The following MCTP1 variants were observed in gnomAD, a reference collection of about 807,000 sequenced individuals.
MCTP1 encodes the protein multiple C2 and transmembrane domain-containing protein 1.
Under a neutral mutation model 120.6 loss-of-function variants are expected in MCTP1, and 69 were observed. The ratio of observed to expected loss-of-function variants is 0.57; its 90% CI spans 0.47 to 0.70. The LOEUF (loss-of-function observed/expected upper bound fraction) is 0.70, where lower values mean the gene tolerates loss of function less well. Ranked by LOEUF, MCTP1 falls within the 30% of genes least tolerant of loss-of-function variation. MCTP1 has a pLI of 0.00. For missense variants in MCTP1, 1,203 were observed against 1,248.8 expected (o/e 0.96, Z 0.55); for synonymous variants, 529 against 493.1 (o/e 1.07, Z -0.96).
intron 1 of MCTP1, among the ~76,000 whole-genome samples, chr5:95,197,358 A>G (rs999382715): frequency 6.6e-6 from 1 of 152,210 alleles, no homozygotes; most frequent in Non-Finnish European, 1.5e-5. Flanking sequence ...CTGACTATTC[A>G]GCGTTTATTC....
chr5:95,197,342 A>G (rs567983849), intron 1 of MCTP1, among the ~76,000 whole-genome samples: 63 of 152,318 alleles, frequency 4.1e-4, no homozygotes, highest in African/African-American at 1.4e-3. Context: ...TATAACCCAT[A>G]ATAATCTGAC....
chr5:95,220,724 T>G (rs1257350259), intron 1 of MCTP1, among the ~76,000 whole-genome samples: 1 of 152,248 alleles, frequency 6.6e-6, no homozygotes, highest in African/African-American at 2.4e-5. Context: ...GCAATATTTT[T>G]TTCTATTTTA....
chr5:94,931,288 A>G (rs1814602653), intron 6 of MCTP1: 1 of 152,204 alleles, frequency 6.6e-6, no homozygotes, highest in Non-Finnish European at 1.5e-5. Flanking sequence ...TTTTACAAGT[A>G]AAATCGTTTT....
chr5:95,267,019 G>C (rs1758935770), intron 1 of MCTP1, among the ~76,000 whole-genome samples: 1 of 152,152 alleles, frequency 6.6e-6, no homozygotes. Context: ...CTTCTTGCTT[G>C]AGAACATTGC....
intron 16 of MCTP1, 28 bp from the exon 17 acceptor site, chr5:94,868,480 A>G: frequency 1.9e-6 from 3 of 1,545,568 alleles, no homozygotes; most frequent in Non-Finnish European, 2.6e-6. Context: ...ATATTATTAT[A>G]ATTTGCAAGA....
intron 2 of MCTP1, among the ~76,000 whole-genome samples, chr5:94,958,549 G>A (rs796333971): frequency 3.3e-5 from 5 of 151,798 alleles, no homozygotes; most frequent in African/African-American, 1.2e-4. Flanking sequence ...AAAGAGAGAA[G>A]AATCAAATAG....
chr5:94,986,678 T>G (rs889369759), intron 2 of MCTP1, among the ~76,000 whole-genome samples: 3 of 152,038 alleles, frequency 2.0e-5, no homozygotes, highest in Admixed American at 1.3e-4. Context: ...CCTGGCTAAT[T>G]TTTGTATTTT....
At chr5:94,805,359 G>A (rs1033649797) in intron 17 of MCTP1, among the ~76,000 whole-genome samples, 2 of 152,168 alleles carry the variant, frequency 1.3e-5, no homozygotes, top group Non-Finnish European at 2.9e-5. Context: ...GGGCACTGTG[G>A]CTCATGCCTG....
rs118068767 is a variant in MCTP1, at chr5:94,934,705, G to T, written c.1174-2714C>A. ...CAAATGTTGGCTGTGTAATAATTCT[G>T]AAGAATATCAAAACTAATCCAAGAT... On this transcript the variant is annotated intron_variant, in intron 5 of 22. Transcript: ENST00000515393. Among the ~76,000 whole-genome samples the T allele has an allele frequency of 2.2e-3, 326 of 146,052 alleles. 3 individuals carry two copies. In the East Asian group the frequency reaches 0.045, roughly 20 times the overall value.
At chr5:95,138,237 C>CCCCG (rs952922775) in intron 1 of MCTP1, among the ~76,000 whole-genome samples, 13 of 150,318 alleles carry the variant, frequency 8.6e-5, no homozygotes, top group Non-Finnish European at 1.6e-4. Flanking sequence ...GATGCAACCC[C>CCCCG]CCCCCGACAT....
At chr5:94,949,135 G>T (rs1366537396) in intron 3 of MCTP1, among the ~76,000 whole-genome samples, 3 of 152,082 alleles carry the variant, frequency 2.0e-5, no homozygotes, top group Non-Finnish European at 4.4e-5. Flanking sequence ...TTCATGATTA[G>T]GCCAAACAAA....
chr5:94,745,094 C>T (rs1766566583), intron 19 of MCTP1, among the ~76,000 whole-genome samples: 1 of 152,200 alleles, frequency 6.6e-6, no homozygotes, highest in Non-Finnish European at 1.5e-5. Context: ...TGTTTCCCAG[C>T]CACTTCTCAT....
intron 1 of MCTP1, among the ~76,000 whole-genome samples, chr5:95,082,995 A>C (rs536212863): frequency 6.6e-6 from 1 of 152,150 alleles, no homozygotes; most frequent in Non-Finnish European, 1.5e-5. Context: ...TCACAGTTTG[A>C]AATGTTCTTC....
intron 17 of MCTP1, among the ~76,000 whole-genome samples, chr5:94,858,752 A>G (rs895002341): frequency 1.3e-5 from 2 of 151,638 alleles, no homozygotes; most frequent in Admixed American, 6.6e-5. Flanking sequence ...CAGTTGTACC[A>G]TTCCATGACT....
chr5:94,908,383 A>G (rs1475523905), intron 10 of MCTP1, among the ~76,000 whole-genome samples: 1 of 152,024 alleles, frequency 6.6e-6, no homozygotes, highest in African/African-American at 2.4e-5. Flanking sequence ...AAAAAAATCA[A>G]GAGATAAATA....
intron 1 of MCTP1, among the ~76,000 whole-genome samples, chr5:95,097,921 T>C (rs145063642): frequency 1.1e-4 from 16 of 152,346 alleles, no homozygotes; most frequent in Non-Finnish European, 2.2e-4. Flanking sequence ...CAGTAAGAAA[T>C]ACATTATTAA....
chr5:95,034,914 A>G (rs1281637694), intron 1 of MCTP1, among the ~76,000 whole-genome samples: 1 of 152,140 alleles, frequency 6.6e-6, no homozygotes, highest in African/African-American at 2.4e-5. Flanking sequence ...GGCAAAAGAC[A>G]TGAACAGATA....
At chr5:95,128,109 T>C (rs1188069984) in intron 1 of MCTP1, among the ~76,000 whole-genome samples, 1 of 152,130 alleles carries the variant, frequency 6.6e-6, no homozygotes, top group Admixed American at 6.5e-5. Context: ...AGGAGCAAAA[T>C]GCTAAAGGCT....
intron 19 of MCTP1, among the ~76,000 whole-genome samples, chr5:94,744,825 T>C (rs1219402543): frequency 1.3e-5 from 2 of 152,098 alleles, no homozygotes; most frequent in Admixed American, 1.3e-4. Flanking sequence ...TAGGTAGTTC[T>C]TGACTGGATT....
Sources: gnomAD v4.1 joint callset for allele counts (sites outside exome capture counted in the v4.1 genomes callset) on GRCh38, gnomAD v4.1.1 for gene constraint, MANE v1.5 for transcripts, NCBI Gene and HGNC (gene_info 2026-07-23, HGNC 2026-07-21) for gene names.